The following NTN1 variants were observed in gnomAD, a reference collection of about 807,000 sequenced individuals.
NTN1 encodes netrin 1.
In NTN1, 11 loss-of-function variants were observed where a neutral mutation model predicts 54.2. The observed-to-expected ratio is 0.20, with a 90% CI of 0.13 to 0.34. The LOEUF is 0.34. Among genes scored for constraint, NTN1 ranks in the 10% least tolerant of loss-of-function variants. The pLI, the probability that NTN1 is intolerant of heterozygous loss-of-function variation, is 1.00. For missense variants in NTN1, 740 were observed against 893.1 expected, an observed-to-expected ratio of 0.83 and a Z score of 2.18; for synonymous variants, 371 against 382.0, an observed-to-expected ratio of 0.97 and a Z score of 0.33.
At chr17:9,186,176 C>G (rs908801918) in intron 5 of NTN1, among the ~76,000 whole-genome samples, 3 of 152,022 alleles carry the variant, frequency 2.0e-5, no homozygotes, top group African/African-American at 7.2e-5. Flanking sequence ...TGCCACTTCC[C>G]TTGGTGTCAA....
intron 2 of NTN1, among the ~76,000 whole-genome samples, chr17:9,091,600 T>C (rs1440175363): frequency 6.6e-6 from 1 of 151,906 alleles, no homozygotes; most frequent in Non-Finnish European, 1.5e-5. Flanking sequence ...ATTACAGGCA[T>C]GTGCCACCAC....
intron 2 of NTN1, among the ~76,000 whole-genome samples, chr17:9,093,074 G>A (rs914185932): frequency 6.6e-6 from 1 of 151,910 alleles, no homozygotes; most frequent in African/African-American, 2.4e-5. Context: ...TGTGTTTTTA[G>A]TAGAGATGGG....
At chr17:9,105,772 C>T (rs2092164170) in intron 2 of NTN1, among the ~76,000 whole-genome samples, 1 of 151,956 alleles carries the variant, frequency 6.6e-6, no homozygotes, top group Non-Finnish European at 1.5e-5. Flanking sequence ...TTCTTTAGAA[C>T]TGTGGGAATC....
chr17:9,176,317 AG>A (rs2092399994), intron 3 of NTN1: 1 of 152,468 alleles, frequency 6.6e-6, no homozygotes, highest in Non-Finnish European at 1.5e-5. Flanking sequence ...GAGAATTAGT[AG>A]GAGTCTGCTT....
intron 2 of NTN1, among the ~76,000 whole-genome samples, chr17:9,084,406 CAA>C (rs1275351700): frequency 6.6e-6 from 1 of 152,186 alleles, no homozygotes; most frequent in Non-Finnish European, 1.5e-5. Context: ...ACCCAAACCC[CAA>C]AGTGTCCTCA....
intron 6 of NTN1, among the ~76,000 whole-genome samples, chr17:9,232,744 G>T (rs1181857109): frequency 1.3e-5 from 2 of 152,118 alleles, no homozygotes; most frequent in South Asian, 2.1e-4. Context: ...GTGACCCCCC[G>T]TCCCGGGTGT....
chr17:9,125,531 T>A (rs1407710461), intron 2 of NTN1, among the ~76,000 whole-genome samples: 2 of 152,130 alleles, frequency 1.3e-5, no homozygotes, highest in African/African-American at 4.8e-5. Flanking sequence ...CCTGGCTGAT[T>A]GGCTAATTTT....
chr17:9,153,712 T>G (rs2092334256), intron 2 of NTN1, among the ~76,000 whole-genome samples: 2 of 152,216 alleles, frequency 1.3e-5, no homozygotes, highest in Non-Finnish European at 1.5e-5. Context: ...TCTCCGTTCA[T>G]GTTTGTTGAA....
rs529795840 is a variant in NTN1 at position 9,162,443 on chromosome 17, G to A, written c.1019-370G>A. ...CGGGATCTCTCCTCCGTGCACATGC[G>A]TCCCTGCGTCTCTCTGTGTCCTCAT... On this transcript the variant is annotated intron_variant, in intron 2 of 6. Transcript: ENST00000173229. 5.1e-4 allele frequency among the ~76,000 whole-genome samples: 78 copies of A among 152,020 alleles called. No homozygotes were observed. In the South Asian group the frequency reaches 0.016, roughly 30 times the overall value.
At chr17:9,033,047 G>A (rs36047638) in intron 2 of NTN1, among the ~76,000 whole-genome samples, 39,280 of 149,952 alleles carry the variant, frequency 0.26, 5,293 homozygotes, top group South Asian at 0.37. Context: ...TCTGTTTCCT[G>A]GGTTCAAGTG....
intron 2 of NTN1, among the ~76,000 whole-genome samples, chr17:9,055,371 C>G (rs1567699514): frequency 6.6e-6 from 1 of 152,220 alleles, no homozygotes; most frequent in Non-Finnish European, 1.5e-5. Flanking sequence ...CATCTCTGCT[C>G]TCAAAAAGCT....
chr17:9,105,543 T>C (rs2092163014), intron 2 of NTN1, among the ~76,000 whole-genome samples: 2 of 152,176 alleles, frequency 1.3e-5, no homozygotes, highest in Non-Finnish European at 2.9e-5. Context: ...TCAGTGTTCA[T>C]GATATTATCC....
rs182761333 is a variant in NTN1, at chr17:9,165,351, C to T, written c.1207+2350C>T. ...AGGAAGCCACAGGGTCCCGGGAACC[C>T]GCAGGCCATTCTCCAGGGGTCTGCC... On this transcript the variant is annotated intron_variant, in intron 3 of 6. Coordinates refer to ENST00000173229, the MANE Select transcript of NTN1 (RefSeq NM_004822.3). The surrounding 1 kb of genome is among the most constrained non-coding windows in gnomAD (Gnocchi z 4.5). Among the ~76,000 whole-genome samples, 2 of 152,302 alleles carry T rather than the reference C, an allele frequency of 1.3e-5. No individual in the cohort carries two copies. Among genetic ancestry groups the T allele is most frequent in the East Asian group, 1.9e-4 (1 of 5,194 alleles).
chr17:9,176,055 G>A lies in NTN1; in HGVS notation c.1208-3752G>A, dbSNP rs142022590. ...ACCACGTTCTCAGAGGAATTAGGGA[G>A]GCTCTCTCTTTGTCTCCCTCACCAG... On this transcript the variant is annotated intron_variant, in intron 3 of 6. Transcript: ENST00000173229. 3 of 152,320 alleles carry A rather than the reference G, an allele frequency of 2.0e-5. No individual in the cohort carries two copies. In the East Asian group the frequency reaches 5.8e-4, roughly 29 times the overall value. 9.4% of individuals were successfully genotyped at this position (152,320 alleles called of 1,614,324 possible).
At chr17:9,217,070 G>T (rs1905232202) in intron 5 of NTN1, among the ~76,000 whole-genome samples, 1 of 151,972 alleles carries the variant, frequency 6.6e-6, no homozygotes, top group Admixed American at 6.6e-5. Context: ...GAAATATAAG[G>T]TGACATCTTT....
intron 2 of NTN1, among the ~76,000 whole-genome samples, chr17:9,145,333 C>T (rs111669210): frequency 3.7e-4 from 57 of 152,300 alleles, no homozygotes; most frequent in Middle Eastern, 6.8e-3. Flanking sequence ...AAAACATTTT[C>T]AAAGACTACC....
intron 2 of NTN1, among the ~76,000 whole-genome samples, chr17:9,028,572 C>T (rs1041009941): frequency 1.3e-5 from 2 of 152,158 alleles, no homozygotes; most frequent in African/African-American, 4.8e-5. Context: ...CCTCAGAAAA[C>T]TATTTGAGAC....
chr17:9,161,702 C>T (rs369104434), intron 2 of NTN1, among the ~76,000 whole-genome samples: 8 of 152,176 alleles, frequency 5.3e-5, no homozygotes, highest in South Asian at 2.1e-4. Flanking sequence ...CGCTTGAACC[C>T]GGGAGGCGGA....
At chr17:9,025,030 C>A (rs965694334) in intron 2 of NTN1, among the ~76,000 whole-genome samples, 21 of 152,102 alleles carry the variant, frequency 1.4e-4, no homozygotes, top group African/African-American at 5.1e-4. Context: ...AAAGGGATTC[C>A]CAGGGTTTTG....
Sources: gnomAD v4.1 joint callset for allele counts (sites outside exome capture counted in the v4.1 genomes callset) on GRCh38, gnomAD v4.1.1 for gene constraint, Gnocchi (gnomAD v3.1) non-coding constraint, MANE v1.5 for transcripts, NCBI Gene and HGNC (gene_info 2026-07-23, HGNC 2026-07-21) for gene names.